The following SPARCL1 variants were observed in gnomAD, a reference collection of about 807,000 sequenced individuals.
SPARCL1 encodes SPARC like 1, also known as SPARC-like protein 1.
Under a neutral mutation model 67.1 loss-of-function variants are expected in SPARCL1, and 52 were observed. The ratio of observed to expected loss-of-function variants is 0.78; its 90% CI spans 0.62 to 0.98. The LOEUF is 0.98. SPARCL1 is among the 50% of genes least tolerant of loss of function. SPARCL1 has a pLI of 0.00. For synonymous variants in SPARCL1, 226 were observed against 267.8 expected (o/e 0.84, Z 1.52); for missense variants, 717 against 782.4 (o/e 0.92, Z 1.00).
chr4:87,475,320 A>C (rs943335711), intron 10 of SPARCL1, among the ~76,000 whole-genome samples: 2 of 152,100 alleles, frequency 1.3e-5, no homozygotes, highest in African/African-American at 4.8e-5. Flanking sequence ...CGCATTTGGC[A>C]CTGTTAATCT....
At chr4:87,521,690 C>T in intron 1 of SPARCL1, among the ~76,000 whole-genome samples, 1 of 152,112 alleles carries the variant, frequency 6.6e-6, no homozygotes, top group East Asian at 1.9e-4. Context: ...ATCACTTTGT[C>T]TAAAGTTTAA....
At chr4:87,518,304 T>C (rs542402829) in intron 1 of SPARCL1, among the ~76,000 whole-genome samples, 2 of 152,254 alleles carry the variant, frequency 1.3e-5, no homozygotes, top group East Asian at 3.9e-4. Flanking sequence ...GGAAAAGACT[T>C]TTCCCCTCAA....
intron 1 of SPARCL1, among the ~76,000 whole-genome samples, chr4:87,506,453 A>C (rs1340412458): frequency 6.6e-6 from 1 of 152,234 alleles, no homozygotes; most frequent in African/African-American, 2.4e-5. Flanking sequence ...TGCTCTACCC[A>C]ATGTGAGTGG....
intron 4 of SPARCL1, among the ~76,000 whole-genome samples, chr4:87,491,993 C>T (rs951831610): frequency 1.4e-5 from 2 of 140,470 alleles, no homozygotes; most frequent in African/African-American, 5.1e-5. Context: ...TGGTGCATGC[C>T]TGTGGTCCCG....
At chr4:87,499,808 C>T (rs1724773878) in intron 1 of SPARCL1, among the ~76,000 whole-genome samples, 1 of 152,142 alleles carries the variant, frequency 6.6e-6, no homozygotes, top group East Asian at 1.9e-4. Context: ...CCATGTTCGG[C>T]AGAACCTATC....
chr4:87,480,890 T>C (rs1723796067), intron 8 of SPARCL1, among the ~76,000 whole-genome samples: 1 of 151,254 alleles, frequency 6.6e-6, no homozygotes, highest in Non-Finnish European at 1.5e-5. Context: ...GATTAGTTAG[T>C]GAAAAGTGCT....
Position 87,482,447 on chromosome 4 carries a change from G to C in SPARCL1, c.1645C>G (p.Leu549Val), listed in dbSNP as rs1428265863. The C allele has an allele frequency of 6.2e-7, 1 of 1,613,718 alleles. No homozygotes were observed. The highest frequency in any genetic ancestry group is 8.5e-7 in the Non-Finnish European group (1 of 1,179,896). ...ACTTTATTTCTCTGCTTCTCATTTAGATAACCAGCGTGTTCAGAGTTGGCT... is the reference window on the plus strand; with the variant it reads ...ACTTTATTTCTCTGCTTCTCATTTACATAACCAGCGTGTTCAGAGTTGGCT... Reference protein sequence around the residue: ...YEANSEHAGYLNEKQRNKVKK... With the variant: ...YEANSEHAGYVNEKQRNKVKK... The change falls in exon 8 of 11, where the codon CTA becomes GTA. Residue 549 changes from leucine (L) to valine (V), a missense_variant. Coordinates refer to ENST00000282470, the MANE Select transcript of SPARCL1 (RefSeq NM_004684.6).
intron 3 of SPARCL1, 81 bp downstream of exon 3, chr4:87,494,900 A>G (rs115686842): frequency 1.6e-6 from 2 of 1,281,238 alleles, no homozygotes; most frequent in African/African-American, 1.5e-5. Context: ...CATAAATAAC[A>G]TAATCTCTTT....
chr4:87,518,012 T>C (rs527816361), intron 1 of SPARCL1, among the ~76,000 whole-genome samples: 1 of 152,218 alleles, frequency 6.6e-6, no homozygotes, highest in Non-Finnish European at 1.5e-5. Flanking sequence ...GCTTCTCATG[T>C]ACCTTGGTGA....
At chr4:87,517,030 G>C (rs1725609107) in intron 1 of SPARCL1, among the ~76,000 whole-genome samples, 1 of 152,154 alleles carries the variant, frequency 6.6e-6, no homozygotes, top group Non-Finnish European at 1.5e-5. Flanking sequence ...CCTGTCCTGT[G>C]TTATAGTGGG....
chr4:87,490,175 T>C (rs1724255183), intron 7 of SPARCL1, 98 bp downstream of exon 7: 2 of 1,314,616 alleles, frequency 1.5e-6, no homozygotes, highest in African/African-American at 3.0e-5. Flanking sequence ...CAGAACTACA[T>C]CAGCTTTTCC....
At chr4:87,507,146 A>G (rs12501352) in intron 1 of SPARCL1, among the ~76,000 whole-genome samples, 68,229 of 151,968 alleles carry the variant, frequency 0.45, 15,986 homozygotes, top group East Asian at 0.75. Context: ...TGCCAGGAGT[A>G]TTTCCGACAT....
At chr4:87,498,014 C>T (rs950053965) in intron 2 of SPARCL1, among the ~76,000 whole-genome samples, 2 of 152,168 alleles carry the variant, frequency 1.3e-5, no homozygotes, top group Non-Finnish European at 2.9e-5. Context: ...TGGCCTTGAC[C>T]TCCCAAAGTG....
intron 2 of SPARCL1, among the ~76,000 whole-genome samples, chr4:87,497,602 A>G (rs912987348): frequency 3.3e-5 from 5 of 152,264 alleles, no homozygotes; most frequent in African/African-American, 1.2e-4. Context: ...TCAGGCAGGC[A>G]GGGAAAATTA....
Position 87,528,335 on chromosome 4 carries a change from G to A in SPARCL1, c.-12+710C>T, listed in dbSNP as rs1041835761. On this transcript the variant is annotated intron_variant, in intron 1 of 10. Coordinates refer to ENST00000282470, the MANE Select transcript of SPARCL1 (RefSeq NM_004684.6). ...AATATGAGTTACCATAATCTCTTTA[G>A]CTCTTTAATTCTCTTCTCCCATTTT... The A allele has an allele frequency of 3.3e-5, 5 of 152,144 alleles. No homozygotes were observed. In the East Asian group the frequency reaches 9.7e-4, roughly 29 times the overall value. 9.4% of individuals were successfully genotyped at this position (152,144 alleles called of 1,614,324 possible).
rs751301525 is a variant in SPARCL1, at chr4:87,494,225, T to C, written c.575A>G (p.Glu192Gly). Residue 192 changes from glutamate to glycine, a missense_variant, in exon 4 of 11, where the codon GAG (glutamate) becomes GGG (glycine). Coordinates refer to ENST00000282470, the MANE Select transcript of SPARCL1 (RefSeq NM_004684.6). ...TCCATTGGAAATATTTGGATCCTGC[T>C]CTTGGTTTCCTTGATCCCTTAGGCC... is the stretch of plus-strand genomic sequence containing the variant. ...SQGLRDQGNQ[E>G]QDPNISNGEE... 9.3e-6 allele frequency: 15 copies of C among 1,614,212 alleles called. No homozygotes were observed. In the South Asian group the frequency reaches 1.5e-4, roughly 17 times the overall value.
At chr4:87,489,551 T>G (rs1309591213) in intron 7 of SPARCL1, among the ~76,000 whole-genome samples, 1 of 152,204 alleles carries the variant, frequency 6.6e-6, no homozygotes, top group Non-Finnish European at 1.5e-5. Context: ...CAGCCACCAA[T>G]GACGTTGCCA....
intron 10 of SPARCL1, among the ~76,000 whole-genome samples, chr4:87,474,881 T>G (rs1723511736): frequency 6.6e-6 from 1 of 152,052 alleles, no homozygotes; most frequent in Non-Finnish European, 1.5e-5. Context: ...TGGCTGGGAC[T>G]ACAGGCGCCC....
At chr4:87,510,086 TTTAA>T (rs1319755022) in intron 1 of SPARCL1, among the ~76,000 whole-genome samples, 3 of 152,224 alleles carry the variant, frequency 2.0e-5, no homozygotes, top group Non-Finnish European at 4.4e-5. Flanking sequence ...ACATGTATAA[TTTAA>T]TTATGTTAAA....
Sources: gnomAD v4.1 joint callset for allele counts (sites outside exome capture counted in the v4.1 genomes callset) on GRCh38, gnomAD v4.1.1 for gene constraint, MANE v1.5 for transcripts, NCBI Gene and HGNC (gene_info 2026-07-23, HGNC 2026-07-21) for gene names.